VPS13A: variants seen among roughly 807,000 people sequenced by gnomAD.
The protein encoded by VPS13A is intermembrane lipid transfer protein VPS13A.
VPS13A carries 264 observed loss-of-function variants against 390.9 expected under a neutral mutation model. The observed-to-expected ratio is 0.68, with a 90% CI of 0.61 to 0.75. The LOEUF is 0.75. VPS13A is among the 30% of genes least tolerant of loss of function. VPS13A has a pLI of 0.00. For synonymous variants in VPS13A, 1,231 were observed against 1,227.1 expected, an observed-to-expected ratio of 1.00 and a Z score of -0.07; for missense variants, 3,409 against 3,733.9, an observed-to-expected ratio of 0.91 and a Z score of 2.27.
intron 71 of VPS13A, among the ~76,000 whole-genome samples, chr9:77,411,617 G>A (rs1481451685): frequency 2.3e-5 from 3 of 130,174 alleles, no homozygotes; most frequent in Non-Finnish European, 3.1e-5. Flanking sequence ...CAGCCGAGAT[G>A]GCGCCACTGC....
intron 1 of VPS13A, among the ~76,000 whole-genome samples, chr9:77,180,563 T>A (rs1029096761): frequency 6.6e-6 from 1 of 152,202 alleles, no homozygotes; most frequent in African/African-American, 2.4e-5. Flanking sequence ...TTAAGGAAGT[T>A]TTGTAGTTTT....
chr9:77,407,971 T>C (rs975765577), intron 71 of VPS13A, among the ~76,000 whole-genome samples: 3 of 152,240 alleles, frequency 2.0e-5, no homozygotes, highest in African/African-American at 7.2e-5. Context: ...TTGATTTTTC[T>C]ACTGCATAGC....
At chr9:77,307,858 A>C (rs1828851867) in intron 34 of VPS13A, 87 bp from the exon 35 acceptor site, 1 of 1,114,772 alleles carries the variant, frequency 9.0e-7, no homozygotes. Context: ...ACAGTCTTTC[A>C]TTTTTCTCCT....
intron 71 of VPS13A, among the ~76,000 whole-genome samples, chr9:77,414,624 G>A (rs953088447): frequency 2.0e-5 from 3 of 151,970 alleles, no homozygotes; most frequent in African/African-American, 7.3e-5. Flanking sequence ...AGCATTAGGA[G>A]ATATACCTAA....
rs564593384 is a variant in VPS13A at position 77,225,807 on chromosome 9, T to G, written c.1162-119T>G. 1.0e-3 allele frequency: 766 copies of G among 741,560 alleles called. 1 individual carries two copies. Among genetic ancestry groups the G allele is most frequent in the Non-Finnish European group, 1.5e-3 (645 of 429,488 alleles). The allele number at this position is 741,560 out of a possible 1,614,324, so 45.9% of individuals were successfully genotyped here. A position where few individuals can be genotyped will look rare whatever the true frequency, so the allele number is the denominator to read the frequency against. On this transcript the variant is annotated intron_variant, in intron 13 of 71. Transcript: ENST00000360280. The stretch of plus-strand genomic sequence containing the variant: ...ATATGTATTATATTGATGAATGTTC[T>G]GTTGTTTGCTTCCTATTATATCTTT...
At chr9:77,228,090 G>T in intron 16 of VPS13A, 32 bp from the exon 17 acceptor site, 1 of 1,447,946 alleles carries the variant, frequency 6.9e-7, no homozygotes, top group Non-Finnish European at 9.4e-7. Flanking sequence ...ATATATATAT[G>T]TTTTCATTTT....
At chr9:77,226,795 G>A (rs1308506021) in intron 15 of VPS13A, among the ~76,000 whole-genome samples, 197 bp downstream of exon 15, 2 of 152,018 alleles carry the variant, frequency 1.3e-5, no homozygotes, top group Non-Finnish European at 2.9e-5. Flanking sequence ...AATCATGCTA[G>A]TGCTTACAAA....
At position 77,259,041 on chromosome 9, in the gene VPS13A, A is replaced by T. The variant is rs559746962; in HGVS notation, c.2289-1045A>T. 1.9e-3 allele frequency among the ~76,000 whole-genome samples: 290 copies of T among 152,254 alleles called. 2 individuals carry two copies. The highest frequency in any genetic ancestry group is 0.01 in the Middle Eastern group (3 of 294). ...TTAAAATAGCTGATTATAAGGGTAC[A>T]GGGCAGAAATGACAATGACTTAACT... is the stretch of plus-strand genomic sequence containing the variant. On this transcript the variant is annotated intron_variant, in intron 22 of 71. Transcript: ENST00000360280.
chr9:77,351,116 T>C (rs1831440988), intron 52 of VPS13A: 1 of 557,228 alleles, frequency 1.8e-6, no homozygotes, highest in Non-Finnish European at 3.0e-6. Flanking sequence ...AGAACATGTA[T>C]TTTCTAAGTG....
At chr9:77,186,288 CTATTAG>C (rs1183922362) in intron 1 of VPS13A, among the ~76,000 whole-genome samples, 9 of 152,162 alleles carry the variant, frequency 5.9e-5, no homozygotes, top group African/African-American at 2.2e-4. Context: ...TGCATTGCTG[CTATTAG>C]TATTTTAGAC....
chr9:77,242,019 C>T (rs1427306963), intron 19 of VPS13A, among the ~76,000 whole-genome samples: 6 of 152,094 alleles, frequency 3.9e-5, no homozygotes, highest in African/African-American at 4.8e-5. Flanking sequence ...TCTTCTGTTT[C>T]CTGTGTTCTG....
chr9:77,399,181 TAAAAAA>T (rs1223344360), intron 68 of VPS13A, among the ~76,000 whole-genome samples: 4 of 34,966 alleles, frequency 1.1e-4, no homozygotes, highest in Non-Finnish European at 1.8e-4. Flanking sequence ...AAAAAAAAAA[TAAAAAA>T]AAAAAAAAAA....
rs1197418243 is a variant in VPS13A at position 77,371,145 on chromosome 9, A to C, written c.9073A>C (p.Lys3025Gln). ...DMASSTFQGI[K>Q]RATETSEVES... ...GGCTAGCAGTACATTTCAGGGAATA[A>C]AAAGGTAAATCCTCTTTGGTGTAAG... The change falls in exon 67 of 72, where the codon AAA becomes CAA. Residue 3025 changes from lysine to glutamine, a missense_variant. Transcript: ENST00000360280. The C allele has an allele frequency of 6.2e-7, 1 of 1,613,998 alleles. No individual in the cohort carries two copies. The highest frequency in any genetic ancestry group is 1.7e-5 in the Admixed American group (1 of 60,020).
intron 59 of VPS13A, among the ~76,000 whole-genome samples, chr9:77,365,053 CTTTAT>C (rs889454187): frequency 1.3e-5 from 2 of 152,108 alleles, no homozygotes; most frequent in African/African-American, 4.8e-5. Flanking sequence ...TCAACACCTT[CTTTAT>C]TTTATTATAT....
At chr9:77,382,992 T>A (rs1455374325) in intron 68 of VPS13A, 1 of 985,268 alleles carries the variant, frequency 1.0e-6, no homozygotes, top group East Asian at 1.1e-4. Context: ...ATTAAATCAT[T>A]TGTTTGAAAA....
chr9:77,277,030 C>T (rs976123118), intron 26 of VPS13A, among the ~76,000 whole-genome samples: 1 of 152,178 alleles, frequency 6.6e-6, no homozygotes, highest in Non-Finnish European at 1.5e-5. Flanking sequence ...ATTCTCCTTA[C>T]TGCAAACCTT....
At chr9:77,415,734 T>G (rs1835144984) in intron 71 of VPS13A, among the ~76,000 whole-genome samples, 1 of 152,196 alleles carries the variant, frequency 6.6e-6, no homozygotes, top group African/African-American at 2.4e-5. Context: ...CCAAAGACCT[T>G]AGAAGAACTG....
intron 23 of VPS13A, among the ~76,000 whole-genome samples, chr9:77,269,313 TAAA>T (rs1012247418): frequency 6.6e-6 from 1 of 152,212 alleles, no homozygotes; most frequent in Non-Finnish European, 1.5e-5. Context: ...TTTTGTTTGT[TAAA>T]AAGACTATTC....
At chr9:77,299,396 A>G (rs1158329136) in intron 33 of VPS13A, among the ~76,000 whole-genome samples, 1 of 152,138 alleles carries the variant, frequency 6.6e-6, no homozygotes, top group African/African-American at 2.4e-5. Flanking sequence ...ACCAGTTAGA[A>G]TGGCAATCAT....
Sources: gnomAD v4.1 joint callset for allele counts (sites outside exome capture counted in the v4.1 genomes callset) on GRCh38, gnomAD v4.1.1 for gene constraint, MANE v1.5 for transcripts, NCBI Gene and HGNC (gene_info 2026-07-23, HGNC 2026-07-21) for gene names.